The following POU5F1B variants were observed in gnomAD, a reference collection of about 807,000 sequenced individuals.
The protein encoded by POU5F1B is POU class 5 homeobox 1B.
POU5F1B carries 24 observed loss-of-function variants against 28.1 expected under a neutral mutation model. The ratio of observed to expected loss-of-function variants is 0.85; its 90% CI spans 0.62 to 1.20. POU5F1B has a LOEUF of 1.20. POU5F1B is among the 50% of genes most tolerant of loss of function. The probability of loss-of-function intolerance (pLI) is 0.00; values close to 1 mark genes in which losing one functional copy is unlikely to be tolerated. For missense variants in POU5F1B, 451 were observed against 451.5 expected (o/e 1.00, Z 0.01); for synonymous variants, 220 against 193.2 (o/e 1.14, Z -1.15).
chr8:127,416,305 G>A (rs1348117042), exon 3 of POU5F1B: 11 of 1,613,522 alleles, frequency 6.8e-6, no homozygotes, highest in South Asian at 4.4e-5. Context: ...GAAAGAACTC[G>A]AGCAATTTGC....
At chr8:127,415,971 G>T in exon 3 of POU5F1B, 2 of 1,578,586 alleles carry the variant, frequency 1.3e-6, no homozygotes, top group South Asian at 2.3e-5. Context: ...CTCTGACCTG[G>T]CTAAGCTTCC....
At chr8:127,417,208 A>AG in exon 3 of POU5F1B, 1 of 294,600 alleles carries the variant, frequency 3.4e-6, no homozygotes, top group Non-Finnish European at 5.7e-6. Flanking sequence ...AAAAAAAAAA[A>AG]AAGAAAGAAA....
exon 3 of POU5F1B, chr8:127,416,604 G>A: frequency 1.1e-5 from 18 of 1,601,402 alleles, no homozygotes; most frequent in Non-Finnish European, 1.5e-5. Flanking sequence ...GCAACCTGGA[G>A]AATTTGTTCC....
chr8:127,417,012 T>C, exon 3 of POU5F1B: 3 of 1,557,674 alleles, frequency 1.9e-6, no homozygotes, highest in East Asian at 2.4e-5. Flanking sequence ...AACCTGGAGT[T>C]TGTGGCAGGG....
exon 3 of POU5F1B, chr8:127,416,079 G>A: frequency 8.1e-6 from 13 of 1,612,784 alleles, no homozygotes; most frequent in Non-Finnish European, 1.1e-5. Context: ...AGTTATGTGG[G>A]GGGATGGCGT....
exon 3 of POU5F1B, chr8:127,415,839 C>T: frequency 6.7e-7 from 1 of 1,494,336 alleles, no homozygotes; most frequent in Non-Finnish European, 8.9e-7. Context: ...TTTCACCAGG[C>T]CCCCGGCTTG....
exon 3 of POU5F1B, chr8:127,416,277 G>T: frequency 6.2e-7 from 1 of 1,613,896 alleles, no homozygotes; most frequent in Middle Eastern, 1.7e-4. Flanking sequence ...AGAAGTCCCA[G>T]GACATCAAAG....
exon 3 of POU5F1B, chr8:127,416,893 G>A: frequency 6.2e-7 from 1 of 1,600,524 alleles, no homozygotes; most frequent in Non-Finnish European, 8.5e-7. Context: ...TGAGGGGGAA[G>A]TCTTTCCCCC....
exon 3 of POU5F1B, chr8:127,416,331 G>A (rs896389571): frequency 1.9e-6 from 3 of 1,613,140 alleles, no homozygotes; most frequent in Admixed American, 1.7e-5. Context: ...TCCTGAAGCA[G>A]AAGAGGATCA....
At chr8:127,413,633 C>T (rs774114578) in intron 1 of POU5F1B, among the ~76,000 whole-genome samples, 66 of 152,300 alleles carry the variant, frequency 4.3e-4, no homozygotes, top group Non-Finnish European at 6.9e-4. Context: ...AACCACAATG[C>T]CATTGTCTGA....
chr8:127,415,729 T>C, exon 3 of POU5F1B: 1 of 1,361,786 alleles, frequency 7.3e-7, no homozygotes, highest in Middle Eastern at 2.7e-4. Context: ...TCAGTCAACA[T>C]TTAATGATGC....
exon 3 of POU5F1B, chr8:127,417,194 T>TTAAA: frequency 8.1e-6 from 2 of 248,388 alleles, no homozygotes; most frequent in East Asian, 1.2e-4. Flanking sequence ...TGGGACACAG[T>TTAAA]AAAAAAAAAA....
intron 1 of POU5F1B, among the ~76,000 whole-genome samples, chr8:127,414,650 A>G (rs919208424): frequency 3.9e-5 from 6 of 152,362 alleles, no homozygotes; most frequent in African/African-American, 1.4e-4. Context: ...TAAGAAATGG[A>G]CATCCAATAT....
rs1455760183 is a variant in POU5F1B, at chr8:127,415,023, G to A, written c.-425+1G>A. ...AACCGGGGCCTTTGCCAACAGCCAA[G>A]TAAGTGAGACATTTTGGAAAGTGGA... On this transcript the variant is annotated splice_donor_variant, in intron 2 of 2. Coordinates refer to ENST00000465342, the Ensembl canonical transcript of POU5F1B. LOFTEE classifies it low-confidence loss of function (5UTR_SPLICE). The A allele has an allele frequency of 6.6e-6, 1 of 152,268 alleles. No homozygotes were observed. The highest frequency in any genetic ancestry group is 1.5e-5 in the Non-Finnish European group (1 of 68,084). The allele number at this position is 152,268 out of a possible 1,614,324, so 9.4% of individuals were successfully genotyped here.
At chr8:127,416,561 G>C in exon 3 of POU5F1B, 1 of 1,606,348 alleles carries the variant, frequency 6.2e-7, no homozygotes, top group Non-Finnish European at 8.5e-7. Context: ...GCCCGAAAGA[G>C]AAAGCGAACC....
In POU5F1B at chr8:127,415,699, T is replaced by C. The variant is rs933797332; in HGVS notation, c.-168T>C. 16 of 1,136,496 alleles carry C rather than the reference T, an allele frequency of 1.4e-5. No homozygotes were observed. The African/African-American group carries it at 2.4e-4, about 17-fold the overall frequency. 70.4% of individuals were successfully genotyped at this position (1,136,496 alleles called of 1,614,324 possible). ...TGATTATGATTTAAAGAGATTACTT[T>C]TGAAGAGTTCCTAACACATTCAGTC... On this transcript the variant is annotated 5_prime_UTR_variant, in exon 3 of 3. Coordinates refer to ENST00000465342, the Ensembl canonical transcript of POU5F1B.
exon 3 of POU5F1B, chr8:127,417,081 G>C: frequency 7.7e-7 from 1 of 1,291,302 alleles, no homozygotes; most frequent in Non-Finnish European, 1.1e-6. Flanking sequence ...AAGGGTGGGG[G>C]CAGGGGAGTT....
chr8:127,416,201 C>T (rs983681104), exon 3 of POU5F1B: 42 of 1,613,666 alleles, frequency 2.6e-5, no homozygotes, highest in East Asian at 6.7e-5. Flanking sequence ...GGGGCCTCCC[C>T]GGAACCCTGC....
intron 1 of POU5F1B, among the ~76,000 whole-genome samples, chr8:127,414,675 C>A (rs1218193464): frequency 6.6e-6 from 1 of 152,180 alleles, no homozygotes; most frequent in African/African-American, 2.4e-5. Flanking sequence ...GTGGCAGAGG[C>A]AAAAACATGG....
Sources: allele counts gnomAD v4.1 joint callset (sites outside exome capture counted in the v4.1 genomes callset), GRCh38; gene constraint gnomAD v4.1.1; transcripts MANE v1.5; gene names NCBI Gene and HGNC (gene_info 2026-07-23, HGNC 2026-07-21).